MAST4: variants seen among roughly 807,000 people sequenced by gnomAD.
MAST4 encodes microtubule associated serine/threonine kinase family member 4, also known as microtubule-associated serine/threonine-protein kinase 4.
A neutral mutation model predicts 162.7 loss-of-function variants in MAST4; 89 were observed. That is an observed-to-expected ratio of 0.55 (90% CI 0.46 to 0.65). The LOEUF is 0.65. Among genes scored for constraint, MAST4 ranks in the 30% least tolerant of loss-of-function variants. The pLI, the probability that MAST4 is intolerant of heterozygous loss-of-function variation, is 0.00. For missense variants in MAST4, 3,153 were observed against 3,374.0 expected (o/e 0.93, Z 1.62); for synonymous variants, 1,479 against 1,361.1 (o/e 1.09, Z -1.91).
intron 3 of MAST4, among the ~76,000 whole-genome samples, chr5:66,799,316 T>C (rs556955934): frequency 1.3e-5 from 2 of 152,180 alleles, no homozygotes; most frequent in Admixed American, 6.5e-5. Context: ...CAATCCAGGT[T>C]ACATGACCCT....
At chr5:67,082,520 A>G (rs1762791867) in intron 5 of MAST4, among the ~76,000 whole-genome samples, 1 of 152,238 alleles carries the variant, frequency 6.6e-6, no homozygotes, top group Non-Finnish European at 1.5e-5. Flanking sequence ...AGAGAGACAC[A>G]GCAACTAAAT....
At chr5:66,610,074 C>A (rs1254852093) in intron 1 of MAST4, among the ~76,000 whole-genome samples, 2 of 152,066 alleles carry the variant, frequency 1.3e-5, no homozygotes, top group African/African-American at 2.4e-5. Flanking sequence ...ACTGCAATTA[C>A]TTTTGCACCA....
At chr5:66,967,097 T>C (rs1262063717) in intron 4 of MAST4, among the ~76,000 whole-genome samples, 1 of 152,224 alleles carries the variant, frequency 6.6e-6, no homozygotes, top group East Asian at 1.9e-4. Context: ...TGCACAGATT[T>C]TGTTTTCCTA....
At chr5:67,029,144 A>C (rs1445617597) in intron 4 of MAST4, among the ~76,000 whole-genome samples, 1 of 151,874 alleles carries the variant, frequency 6.6e-6, no homozygotes, top group East Asian at 1.9e-4. Context: ...AAAAAAAAAA[A>C]AGTCATATAC....
intron 4 of MAST4, among the ~76,000 whole-genome samples, chr5:66,998,732 G>A (rs946872680): frequency 3.9e-5 from 6 of 151,964 alleles, no homozygotes; most frequent in African/African-American, 1.5e-4. Context: ...TCCCAATGGT[G>A]GTAGTGATGG....
chr5:66,744,407 T>C (rs1046553352), intron 1 of MAST4, among the ~76,000 whole-genome samples: 1 of 152,254 alleles, frequency 6.6e-6, no homozygotes, highest in Non-Finnish European at 1.5e-5. Flanking sequence ...TGAATATTAA[T>C]TTTTAGCATT....
rs142395458 is a variant in MAST4, at chr5:67,038,125, A to C, written c.675-16279A>C. Among the ~76,000 whole-genome samples the C allele has an allele frequency of 1.4e-3, 214 of 152,218 alleles. 6 individuals carry two copies. The highest frequency in any genetic ancestry group is 5.0e-3 in the African/African-American group (207 of 41,566). On this transcript the variant is annotated intron_variant, in intron 4 of 28. Coordinates refer to ENST00000403625, the MANE Select transcript of MAST4 (RefSeq NM_001164664.2). ...CAGCATTTATTTCAGAAAACACCTTAACCTATGATGGGAACACTTTGTCTA... is the reference window on the plus strand; with the variant it reads ...CAGCATTTATTTCAGAAAACACCTTCACCTATGATGGGAACACTTTGTCTA...
intron 2 of MAST4, among the ~76,000 whole-genome samples, chr5:66,772,078 G>T (rs942269518): frequency 3.1e-4 from 47 of 152,296 alleles, no homozygotes; most frequent in Admixed American, 3.1e-3. Context: ...CACAAACAAT[G>T]ACTTGATTAT....
chr5:66,963,808 G>A (rs1353682602), intron 4 of MAST4: 1 of 779,180 alleles, frequency 1.3e-6, no homozygotes, highest in Non-Finnish European at 2.4e-6. Flanking sequence ...TCCAGGGCCT[G>A]CCCAGGGCTG....
At chr5:66,777,119 T>C (rs2149650893) in intron 2 of MAST4, among the ~76,000 whole-genome samples, 1 of 152,286 alleles carries the variant, frequency 6.6e-6, no homozygotes, top group South Asian at 2.1e-4. Flanking sequence ...TATCCGGGAC[T>C]CTCTAGCTAA....
chr5:67,155,207 T>G (rs1310338743), intron 26 of MAST4, among the ~76,000 whole-genome samples: 2 of 152,230 alleles, frequency 1.3e-5, no homozygotes, highest in African/African-American at 4.8e-5. Flanking sequence ...GTGAACCTGC[T>G]ATGGGAGCAC....
rs778107881 is a variant in MAST4, at chr5:66,965,207, G to GTT, written c.674+65240_674+65241dup. On this transcript the variant is annotated intron_variant, in intron 4 of 28. Transcript: ENST00000403625. ...TAATAGGTCCTAAAACATAAGAGTA[G>GTT]TTTTTTTTTTTTTTTTGCTTTTTTT... 3.7e-3 allele frequency among the ~76,000 whole-genome samples: 306 copies of GTT among 82,798 alleles called. 2 individuals carry two copies. The highest frequency in any genetic ancestry group is 0.011 in the African/African-American group (257 of 22,594). 54.3% of individuals were successfully genotyped at this position (82,798 alleles called of 152,430 possible). A position where few individuals can be genotyped will look rare whatever the true frequency, so the allele number is the denominator to read the frequency against.
At chr5:66,750,449 C>T (rs916249480) in intron 1 of MAST4, among the ~76,000 whole-genome samples, 12 of 152,166 alleles carry the variant, frequency 7.9e-5, no homozygotes, top group South Asian at 2.1e-4. Context: ...GCACCGTGTG[C>T]GAGCCGAAGC....
chr5:66,875,975 C>T (rs1056734998), intron 3 of MAST4, among the ~76,000 whole-genome samples: 7 of 152,074 alleles, frequency 4.6e-5, no homozygotes, highest in Admixed American at 6.5e-5. Context: ...CTATGTTGCC[C>T]AGAAATGCTC....
At chr5:66,683,037 G>A (rs1748428957) in intron 1 of MAST4, among the ~76,000 whole-genome samples, 1 of 152,178 alleles carries the variant, frequency 6.6e-6, no homozygotes, top group Non-Finnish European at 1.5e-5. Flanking sequence ...AGACTCACTG[G>A]AGCAGTCCTA....
chr5:66,834,144 A>T (rs918686571), intron 3 of MAST4, among the ~76,000 whole-genome samples: 1 of 152,196 alleles, frequency 6.6e-6, no homozygotes, highest in Non-Finnish European at 1.5e-5. Context: ...GATGGCGTAC[A>T]TGTCTTAGAT....
Position 67,041,117 on chromosome 5 carries a change from TAAG to T in MAST4, c.675-13283_675-13281del, listed in dbSNP as rs1418187206. The stretch of plus-strand genomic sequence containing the variant: ...TGGGCAGACCTCTCCATGAAGCTAA[TAAG>T]AAGGTTGTCTGGGGACCATGGTAGC... On this transcript the variant is annotated intron_variant, in intron 4 of 28. Transcript: ENST00000403625. Among the ~76,000 whole-genome samples the T allele has an allele frequency of 2.0e-5, 3 of 152,350 alleles. No homozygotes were observed. In the East Asian group the frequency reaches 5.8e-4, roughly 29 times the overall value.
intron 4 of MAST4, among the ~76,000 whole-genome samples, chr5:66,976,576 C>T (rs544277428): frequency 2.0e-5 from 3 of 152,326 alleles, no homozygotes; most frequent in Admixed American, 6.5e-5. Flanking sequence ...TCTCCCTCTG[C>T]CCACAACTTT....
chr5:66,894,407 G>A (rs1156748350), intron 3 of MAST4, among the ~76,000 whole-genome samples: 3 of 152,138 alleles, frequency 2.0e-5, no homozygotes, highest in Non-Finnish European at 4.4e-5. Flanking sequence ...ACACATTCAA[G>A]TAATACTGCA....
Sources: gnomAD v4.1 joint callset for allele counts (sites outside exome capture counted in the v4.1 genomes callset) on GRCh38, gnomAD v4.1.1 for gene constraint, MANE v1.5 for transcripts, NCBI Gene and HGNC (gene_info 2026-07-23, HGNC 2026-07-21) for gene names.